The following SLIT2 variants were observed in gnomAD, a reference collection of about 807,000 sequenced individuals.
The protein encoded by SLIT2 is slit homolog 2 protein.
SLIT2 carries 41 observed loss-of-function variants against 185.7 expected under a neutral mutation model. That is an observed-to-expected ratio of 0.22 (90% CI 0.17 to 0.29). SLIT2 has a LOEUF of 0.29. Among genes scored for constraint, SLIT2 ranks in the 10% least tolerant of loss-of-function variants. The pLI, the probability that SLIT2 is intolerant of heterozygous loss-of-function variation, is 1.00. For synonymous variants in SLIT2, 693 were observed against 680.2 expected (o/e 1.02, Z -0.29); for missense variants, 1,571 against 1,909.0 (o/e 0.82, Z 3.30).
At chr4:20,266,124 C>A (rs2109023752) in intron 3 of SLIT2, among the ~76,000 whole-genome samples, 1 of 151,238 alleles carries the variant, frequency 6.6e-6, no homozygotes, top group Middle Eastern at 3.4e-3. Context: ...CACATGTTAG[C>A]TATTAGTTAC....
intron 4 of SLIT2, among the ~76,000 whole-genome samples, chr4:20,347,570 G>T (rs1382149321): frequency 4.6e-5 from 7 of 152,136 alleles, no homozygotes; most frequent in Non-Finnish European, 8.8e-5. Context: ...AGTTCATTCT[G>T]ATATGAGTGG....
rs768877807 is a variant in SLIT2, at chr4:20,589,784, A to AT, written c.3182+49dup. 13 of 1,371,008 alleles carry AT rather than the reference A, an allele frequency of 9.5e-6. No individual in the cohort carries two copies. In the South Asian group the frequency reaches 1.2e-4, roughly 13 times the overall value. The allele number at this position is 1,371,008 out of a possible 1,614,324, so 84.9% of individuals were successfully genotyped here. A position where few individuals can be genotyped will look rare whatever the true frequency, so the allele number is the denominator to read the frequency against. On this transcript the variant is annotated intron_variant, in intron 30 of 36. Transcript: ENST00000504154. The stretch of plus-strand genomic sequence containing the variant: ...TGCTCACAGTCAGGGTAGGGGACCC[A>AT]TTATTTTAGGAGCCCTTCTCCTCCT...
chr4:20,400,273 G>T (rs1005344265), intron 4 of SLIT2, among the ~76,000 whole-genome samples: 6 of 151,754 alleles, frequency 4.0e-5, no homozygotes, highest in African/African-American at 1.2e-4. Context: ...AAAAGTGGGT[G>T]TGGAGAAATG....
intron 6 of SLIT2, among the ~76,000 whole-genome samples, chr4:20,481,886 G>C (rs1205984341): frequency 6.6e-6 from 1 of 151,852 alleles, no homozygotes; most frequent in Non-Finnish European, 1.5e-5. Flanking sequence ...GAATTGATTG[G>C]GATAAAATGT....
intron 3 of SLIT2, among the ~76,000 whole-genome samples, chr4:20,259,111 G>A (rs1180228190): frequency 6.6e-6 from 1 of 151,400 alleles, no homozygotes; most frequent in Non-Finnish European, 1.5e-5. Flanking sequence ...TATAATTGTG[G>A]AATTCAAAAT....
At chr4:20,490,723 A>C in intron 8 of SLIT2, 4 of 1,035,572 alleles carry the variant, frequency 3.9e-6, no homozygotes. Context: ...TGCTTTTTTA[A>C]AAAATTAAAT....
At chr4:20,511,598 T>TTTTTTTTTTTTTTTTTTTA (rs1194687099) in intron 11 of SLIT2, among the ~76,000 whole-genome samples, 6 of 141,750 alleles carry the variant, frequency 4.2e-5, no homozygotes, top group African/African-American at 1.3e-4. Flanking sequence ...TTTTTTTTTT[T>TTTTTTTTTTTTTTTTTTTA]TTTTTATTTT....
At chr4:20,575,593 C>T (rs1433590054) in intron 29 of SLIT2, among the ~76,000 whole-genome samples, 1 of 152,162 alleles carries the variant, frequency 6.6e-6, no homozygotes, top group African/African-American at 2.4e-5. Context: ...CTGCTGGAGC[C>T]TGTCCCTTCT....
rs2148994161 is a variant in SLIT2, at chr4:20,619,553, T to C, written c.*544T>C. 1 of 152,226 alleles carries C rather than the reference T, an allele frequency of 6.6e-6. No homozygotes were observed. The highest frequency in any genetic ancestry group is 1.9e-4 in the East Asian group (1 of 5,182). The allele number at this position is 152,226 out of a possible 1,614,324, so 9.4% of individuals were successfully genotyped here. A position where few individuals can be genotyped will look rare whatever the true frequency, so the allele number is the denominator to read the frequency against. ...TCTGGGTTCCATTTACGAGAGGAAA[T>C]GAAAGTGCTAAAATAAATTTTATCT... is the stretch of plus-strand genomic sequence containing the variant. On this transcript the variant is annotated 3_prime_UTR_variant, in exon 37 of 37. Coordinates refer to ENST00000504154, the MANE Select transcript of SLIT2 (RefSeq NM_004787.4).
intron 4 of SLIT2, among the ~76,000 whole-genome samples, chr4:20,450,321 G>A (rs912160178): frequency 6.6e-6 from 1 of 152,080 alleles, no homozygotes; most frequent in East Asian, 1.9e-4. Flanking sequence ...CCTATGGTTT[G>A]GGGCTACATT....
At chr4:20,527,905 C>T (rs1721441675) in intron 15 of SLIT2, among the ~76,000 whole-genome samples, 1 of 151,798 alleles carries the variant, frequency 6.6e-6, no homozygotes, top group Non-Finnish European at 1.5e-5. Context: ...AATACCCTCC[C>T]TTTTCAATCC....
intron 30 of SLIT2, 46 bp from the exon 31 acceptor site, chr4:20,595,651 T>C (rs763257154): frequency 1.2e-6 from 2 of 1,605,632 alleles, no homozygotes; most frequent in Non-Finnish European, 1.7e-6. Flanking sequence ...TGTTTACTTA[T>C]TTTGGCTCAG....
rs772641884 is a variant in SLIT2 at position 20,511,154 on chromosome 4, T to G, written c.1058+17T>G. On this transcript the variant is annotated intron_variant, in intron 11 of 36. Coordinates refer to ENST00000504154, the MANE Select transcript of SLIT2 (RefSeq NM_004787.4). ...GAATTCACTGTAAGTATTCACTGTGTCACTGAAGGAAAAGAGAAGCCACAA... is the reference window on the plus strand; with the variant it reads ...GAATTCACTGTAAGTATTCACTGTGGCACTGAAGGAAAAGAGAAGCCACAA... 4 of 1,519,780 alleles carry G rather than the reference T, an allele frequency of 2.6e-6. No homozygotes were observed. In the South Asian group the frequency reaches 4.6e-5, roughly 17 times the overall value. 94.1% of individuals were successfully genotyped at this position (1,519,780 alleles called of 1,614,324 possible). A position where few individuals can be genotyped will look rare whatever the true frequency, so the allele number is the denominator to read the frequency against.
At chr4:20,542,248 G>T (rs1397786555) in intron 20 of SLIT2, among the ~76,000 whole-genome samples, 1 of 151,984 alleles carries the variant, frequency 6.6e-6, no homozygotes, top group East Asian at 1.9e-4. Context: ...ATTTTCCATT[G>T]TATTGGTAAT....
chr4:20,346,043 G>C (rs1302791023), intron 4 of SLIT2, among the ~76,000 whole-genome samples: 1 of 152,040 alleles, frequency 6.6e-6, no homozygotes, highest in African/African-American at 2.4e-5. Context: ...ACCCAGGCTA[G>C]AGTGCAGCGG....
chr4:20,455,661 C>T (rs1231193699), intron 4 of SLIT2, among the ~76,000 whole-genome samples: 4 of 151,972 alleles, frequency 2.6e-5, no homozygotes, highest in African/African-American at 4.8e-5. Flanking sequence ...AAAGGGAGAA[C>T]TGCTAATGAG....
chr4:20,553,721 C>A, intron 25 of SLIT2, 84 bp from the exon 26 acceptor site: 1 of 1,206,902 alleles, frequency 8.3e-7, no homozygotes. Flanking sequence ...TAGGAAATAA[C>A]AATACTTCCA....
intron 33 of SLIT2, among the ~76,000 whole-genome samples, chr4:20,602,039 G>A (rs1000914597): frequency 6.6e-6 from 1 of 152,078 alleles, no homozygotes; most frequent in Admixed American, 6.5e-5. Context: ...AATAAAATGA[G>A]GGGAAAGTAA....
intron 22 of SLIT2, among the ~76,000 whole-genome samples, chr4:20,547,050 T>C (rs995563713): frequency 6.6e-6 from 1 of 152,122 alleles, no homozygotes; most frequent in Non-Finnish European, 1.5e-5. Context: ...CATGCCCCAA[T>C]GTAAACTAGG....
Sources: allele counts gnomAD v4.1 joint callset (sites outside exome capture counted in the v4.1 genomes callset), GRCh38; gene constraint gnomAD v4.1.1; transcripts MANE v1.5; gene names NCBI Gene and HGNC (gene_info 2026-07-23, HGNC 2026-07-21).